NUMB: variants seen among roughly 807,000 people sequenced by gnomAD.
NUMB encodes the protein protein numb homolog.
A neutral mutation model predicts 59.7 loss-of-function variants in NUMB; 29 were observed. That is an observed-to-expected ratio of 0.49 (90% CI 0.36 to 0.66). The LOEUF (loss-of-function observed/expected upper bound fraction) is 0.66, where lower values mean the gene tolerates loss of function less well. NUMB is among the 30% of genes least tolerant of loss of function. NUMB has a pLI of 0.00. For synonymous variants in NUMB, 288 were observed against 288.2 expected, an observed-to-expected ratio of 1.00 and a Z score of 0.01; for missense variants, 723 against 822.0, an observed-to-expected ratio of 0.88 and a Z score of 1.47.
At chr14:73,374,222 G>A (rs565638012) in intron 2 of NUMB, among the ~76,000 whole-genome samples, 7 of 152,208 alleles carry the variant, frequency 4.6e-5, no homozygotes, top group African/African-American at 1.4e-4. Flanking sequence ...TCTCTACAAT[G>A]TTGTCCAGGT....
At chr14:73,426,166 G>A (rs1035122240) in intron 1 of NUMB, among the ~76,000 whole-genome samples, 3 of 152,006 alleles carry the variant, frequency 2.0e-5, no homozygotes, top group Admixed American at 1.3e-4. Context: ...TTGAAATCTT[G>A]GCTTCAGGCC....
At chr14:73,382,932 G>A (rs1895321692) in intron 2 of NUMB, among the ~76,000 whole-genome samples, 1 of 152,152 alleles carries the variant, frequency 6.6e-6, no homozygotes, top group African/African-American at 2.4e-5. Context: ...GATCACTTGA[G>A]GGCAGGAGTT....
chr14:73,395,746 T>A (rs1896098973), intron 2 of NUMB, among the ~76,000 whole-genome samples: 1 of 152,202 alleles, frequency 6.6e-6, no homozygotes, highest in African/African-American at 2.4e-5. Flanking sequence ...AAGTAGGTAT[T>A]CATATGTATA....
intron 7 of NUMB, among the ~76,000 whole-genome samples, chr14:73,294,057 C>G (rs1169334503): frequency 1.3e-5 from 2 of 152,144 alleles, no homozygotes; most frequent in Non-Finnish European, 2.9e-5. Context: ...TGCTGAGTAA[C>G]TGCATTGTAG....
At chr14:73,336,434 T>C (rs1384193611) in intron 4 of NUMB, among the ~76,000 whole-genome samples, 1 of 152,178 alleles carries the variant, frequency 6.6e-6, no homozygotes, top group African/African-American at 2.4e-5. Flanking sequence ...TTCTGGGGAA[T>C]TAAATATAAC....
chr14:73,346,791 T>C (rs1892944277), intron 4 of NUMB, among the ~76,000 whole-genome samples: 1 of 152,170 alleles, frequency 6.6e-6, no homozygotes, highest in African/African-American at 2.4e-5. Context: ...TAAAATTCCA[T>C]CAATCTCAAG....
At chr14:73,388,498 A>C (rs1006996029) in intron 2 of NUMB, among the ~76,000 whole-genome samples, 2 of 152,266 alleles carry the variant, frequency 1.3e-5, no homozygotes, top group Non-Finnish European at 2.9e-5. Flanking sequence ...TATATAGAAT[A>C]AAGTTGGTAT....
intron 2 of NUMB, among the ~76,000 whole-genome samples, chr14:73,408,811 A>G (rs1896788806): frequency 6.7e-6 from 1 of 148,258 alleles, no homozygotes; most frequent in African/African-American, 2.5e-5. Flanking sequence ...CAGGAGGCAG[A>G]GGTTGCAGTG....
chr14:73,447,362 C>T (rs1269262438), intron 1 of NUMB, among the ~76,000 whole-genome samples: 1 of 152,020 alleles, frequency 6.6e-6, no homozygotes, highest in Non-Finnish European at 1.5e-5. Context: ...GTGGCAGGTG[C>T]CTGTAATCCC....
intron 4 of NUMB, among the ~76,000 whole-genome samples, chr14:73,323,640 C>A (rs995492912): frequency 2.6e-5 from 4 of 152,174 alleles, no homozygotes; most frequent in African/African-American, 7.2e-5. Flanking sequence ...ATATACATAT[C>A]TTTTAAAAAG....
rs114327279 is a variant in NUMB, at chr14:73,277,183, C to G, written c.1351G>C (p.Val451Leu). Residue 451 changes from valine (V) to leucine (L), a missense_variant, in exon 13 of 13, where the codon GTC (valine) becomes CTC (leucine). Val to Leu is a conservative substitution (Grantham distance 32). Transcript: ENST00000555238. ...DRWLEEVSKSVRAQQPQASAA... is the reference protein window; with the variant it reads ...DRWLEEVSKSLRAQQPQASAA... ...GAGGCCTGGGGCTGCTGAGCCCGGA[C>G]GCTCTTAGACACCTCTTCTAACCAT... The G allele has an allele frequency of 6.2e-7, 1 of 1,613,972 alleles. No homozygotes were observed. The highest frequency in any genetic ancestry group is 1.1e-5 in the South Asian group (1 of 91,070).
At position 73,281,853 on chromosome 14, in the gene NUMB, C is replaced by CT. The variant is rs1206630785; in HGVS notation, c.1096+505dup. ...GCTGGATAATCCTTTGTTGTGGGTG[C>CT]TGTCGTCTACACTGAAGGATGTTTA... On this transcript the variant is annotated intron_variant, in intron 11 of 12. Coordinates refer to ENST00000555238, the MANE Select transcript of NUMB (RefSeq NM_001005743.2). Among the ~76,000 whole-genome samples, 17 of 152,202 alleles carry CT rather than the reference C, an allele frequency of 1.1e-4. No individual in the cohort carries two copies. The South Asian group carries it at 2.5e-3, about 22-fold the overall frequency.
chr14:73,299,634 T>C (rs1433956309), intron 6 of NUMB, among the ~76,000 whole-genome samples: 1 of 151,504 alleles, frequency 6.6e-6, no homozygotes, highest in Non-Finnish European at 1.5e-5. Context: ...ATATGACATA[T>C]CTCCTAGCGG....
At chr14:73,445,940 A>G (rs1883469108) in intron 1 of NUMB, among the ~76,000 whole-genome samples, 2 of 152,096 alleles carry the variant, frequency 1.3e-5, no homozygotes, top group African/African-American at 2.4e-5. Flanking sequence ...AAAAGTCCTG[A>G]CTGCAAAAAA....
chr14:73,357,889 C>G lies in NUMB; in HGVS notation c.-15-2123G>C, dbSNP rs201268298. ...GCTCCAAATTATCCTGAGGCCCCCCCCAAAAAAAAAAAAACCCACCAAAAA... is the reference window on the plus strand; with the variant it reads ...GCTCCAAATTATCCTGAGGCCCCCCGCAAAAAAAAAAAAACCCACCAAAAA... On this transcript the variant is annotated intron_variant, in intron 3 of 12. Transcript: ENST00000555238. Among the ~76,000 whole-genome samples, 886 of 105,992 alleles carry G rather than the reference C, an allele frequency of 8.4e-3. 4 individuals carry two copies. The highest frequency in any genetic ancestry group is 0.018 in the East Asian group (92 of 5,042). 69.5% of individuals were successfully genotyped at this position (105,992 alleles called of 152,430 possible). A position where few individuals can be genotyped will look rare whatever the true frequency, so the allele number is the denominator to read the frequency against.
At chr14:73,349,213 G>A (rs1219420334) in intron 4 of NUMB, among the ~76,000 whole-genome samples, 2 of 152,268 alleles carry the variant, frequency 1.3e-5, no homozygotes, top group African/African-American at 4.8e-5. Flanking sequence ...GGCCAAGATG[G>A]GCAGATCACC....
intron 4 of NUMB, among the ~76,000 whole-genome samples, chr14:73,331,453 C>A (rs1039413586): frequency 3.3e-5 from 5 of 152,112 alleles, no homozygotes; most frequent in African/African-American, 1.2e-4. Context: ...GAGGCTGAGG[C>A]AGGAGAATGG....
chr14:73,328,288 A>AAC (rs1555371645), intron 4 of NUMB, among the ~76,000 whole-genome samples: 7,491 of 150,990 alleles, frequency 0.05, 626 homozygotes, highest in African/African-American at 0.17. Flanking sequence ...AAAAAAAAAA[A>AAC]GTCATATAAA....
In NUMB at chr14:73,347,766, A is replaced by G. The variant is rs550617777; in HGVS notation, c.126+7860T>C. Among the ~76,000 whole-genome samples, 31 of 152,166 alleles carry G rather than the reference A, an allele frequency of 2.0e-4. No homozygotes were observed. In the South Asian group the frequency reaches 5.6e-3, roughly 27 times the overall value. ...CTCTCACTCTCCTTTGAACAAGCCT[A>G]TTTCACTGCCTGTCCCCTCTATGTT... On this transcript the variant is annotated intron_variant, in intron 4 of 12. Coordinates refer to ENST00000555238, the MANE Select transcript of NUMB (RefSeq NM_001005743.2).
Sources: gnomAD v4.1 joint callset for allele counts (sites outside exome capture counted in the v4.1 genomes callset) on GRCh38, gnomAD v4.1.1 for gene constraint, MANE v1.5 for transcripts, NCBI Gene and HGNC (gene_info 2026-07-23, HGNC 2026-07-21) for gene names.